WDR45: variants seen among roughly 807,000 people sequenced by gnomAD.
WDR45 encodes WD repeat domain phosphoinositide-interacting protein 4.
A neutral mutation model predicts 27.3 loss-of-function variants in WDR45; 2 were observed. The ratio of observed to expected loss-of-function variants is 0.07; its 90% confidence interval spans 0.03 to 0.23. The LOEUF is 0.23. Ranked by LOEUF, WDR45 falls within the 10% of genes least tolerant of loss-of-function variation. WDR45 has a pLI of 1.00. For synonymous variants in WDR45, 99 were observed against 119.2 expected (o/e 0.83, Z 1.11); for missense variants, 175 against 311.9 (o/e 0.56, Z 3.31).
At chrX:49,077,473 CAA>C (rs1230070079) in intron 4 of WDR45, 168 bp downstream of exon 4, 7 of 499,124 alleles carry the variant, frequency 1.4e-5, no homozygotes, top group Non-Finnish European at 2.5e-5. Context: ...AAAATGAAAA[CAA>C]AGCACCAAGC....
chrX:49,091,963 T>C (rs2065108380), intron 2 of WDR45, among the ~76,000 whole-genome samples: 1 of 102,887 alleles, frequency 9.7e-6, no homozygotes, highest in Non-Finnish European at 2.0e-5. Context: ...ACCCCGTCTC[T>C]ACAAAAAATT....
intron 4 of WDR45, 197 bp from the exon 5 acceptor site, chrX:49,076,947 C>G (rs2065041820): frequency 2.4e-6 from 1 of 422,484 alleles, no homozygotes; most frequent in African/African-American, 2.5e-5. Flanking sequence ...CTGTTACACT[C>G]ATCTACAGAT....
intron 2 of WDR45, among the ~76,000 whole-genome samples, chrX:49,095,422 C>T (rs2065121198): frequency 9.2e-6 from 1 of 109,242 alleles, no homozygotes; most frequent in Non-Finnish European, 1.9e-5. Context: ...GGGCGAGCCT[C>T]CTGAGTAGCT....
In WDR45 at chrX:49,077,723, C is replaced by T. The variant is rs201716815; in HGVS notation, c.155G>A (p.Gly52Asp). ...HLDHEQVGSM[G>D]LVEMLHRSNL... ...GGAGCGGTGCAGCATCTCCACCAAG[C>T]CCATGCTGCCCACCTGCTCGTGGTC... Residue 52 changes from glycine (G) to aspartate (D), a missense_variant, in exon 4 of 11, where the codon GGC becomes GAC. Physicochemically the swap from Gly to Asp is moderately conservative, Grantham distance 94. Transcript: ENST00000376372. The T allele has an allele frequency of 5.8e-6, 7 of 1,197,950 alleles. No homozygotes were observed. The African/African-American group carries it at 1.2e-4, about 21-fold the overall frequency.
chrX:49,074,916 G>T lies in WDR45; in HGVS notation c.974-4C>A, dbSNP rs781876689. The T allele has an allele frequency of 1.1e-5, 13 of 1,190,580 alleles. No homozygotes were observed. Among genetic ancestry groups the T allele is most frequent in the Non-Finnish European group, 1.5e-5 (13 of 877,112 alleles). ...AAGGTCCCATCTACGCAGATGGCTGGGGGAGGGGGGGTGGTAAAAGGTCAG... is the reference window on the plus strand; with the variant it reads ...AAGGTCCCATCTACGCAGATGGCTGTGGGAGGGGGGGTGGTAAAAGGTCAG... On this transcript the variant is annotated splice_polypyrimidine_tract_variant and splice_region_variant and intron_variant, in intron 10 of 10. Coordinates refer to ENST00000376372, the MANE Select transcript of WDR45 (RefSeq NM_001029896.2).
rs1283250476 is a variant in WDR45 at position 49,074,536 on chromosome X, C to T, written c.*267G>A. The T allele has an allele frequency of 2.3e-5, 9 of 389,517 alleles. No individual in the cohort carries two copies. The highest frequency in any genetic ancestry group is 3.1e-5 in the Non-Finnish European group (7 of 226,715). The allele number at this position is 389,517 out of a possible 1,213,427, so 32.1% of individuals were successfully genotyped here. Reference sequence around the variant, plus strand: ...ATCCCCAGGTTGGATTAGGGCACTCCCTCTGGGTCCCTGGCAATTTCCTCC... The same window carrying T: ...ATCCCCAGGTTGGATTAGGGCACTCTCTCTGGGTCCCTGGCAATTTCCTCC... On this transcript the variant is annotated 3_prime_UTR_variant, in exon 11 of 11. Transcript: ENST00000376372.
intron 2 of WDR45, among the ~76,000 whole-genome samples, chrX:49,093,639 A>C (rs2065115235): frequency 9.4e-6 from 1 of 106,374 alleles, no homozygotes; most frequent in Non-Finnish European, 1.9e-5. Context: ...TCCTGGGCTC[A>C]GGCAATACTC....
At chrX:49,090,246 T>C (rs2065099838) in intron 2 of WDR45, among the ~76,000 whole-genome samples, 1 of 110,880 alleles carries the variant, frequency 9.0e-6, no homozygotes, top group African/African-American at 3.3e-5. Context: ...GTATTTCTAG[T>C]AGAAACGGGA....
At chrX:49,094,960 G>A (rs1312618218) in intron 2 of WDR45, among the ~76,000 whole-genome samples, 1 of 108,729 alleles carries the variant, frequency 9.2e-6, no homozygotes, top group Admixed American at 9.9e-5. Flanking sequence ...GGCTAATTTT[G>A]TATTTTTAGT....
At position 49,075,561 on chromosome X, in the gene WDR45, G is replaced by C; in HGVS notation, c.709C>G (p.Pro237Ala). Residue 237 changes from proline to alanine, a missense_variant, in exon 8 of 11, where the codon CCT becomes GCT. Physicochemically the swap from Pro to Ala is conservative, Grantham distance 27 (BLOSUM62 -1). Coordinates refer to ENST00000376372, the MANE Select transcript of WDR45 (RefSeq NM_001029896.2). ...KLVELRRGTD[P>A]ATLYCINFSH... Reference sequence around the variant, plus strand: ...TGTGCTCACCAGTAGAGGGTGGCAGGGTCAGTGCCTCGGCGCAGCTCCACC... The same window carrying C: ...TGTGCTCACCAGTAGAGGGTGGCAGCGTCAGTGCCTCGGCGCAGCTCCACC... The C allele has an allele frequency of 8.3e-7, 1 of 1,211,946 alleles. No individual in the cohort carries two copies. Among genetic ancestry groups the C allele is most frequent in the Non-Finnish European group, 1.1e-6 (1 of 895,508 alleles).
chrX:49,074,793 C>T lies in WDR45; in HGVS notation c.*10G>A. 8.4e-7 allele frequency: 1 copy of T among 1,196,338 alleles called. No individual in the cohort carries two copies. The highest frequency in any genetic ancestry group is 1.1e-6 in the Non-Finnish European group (1 of 882,048). ...GCCACTGCAGGTCCCTAGCACAGCC[C>T]CCAGGGTCCTTAAAAGTCATCATCA... On this transcript the variant is annotated 3_prime_UTR_variant, in exon 11 of 11. Coordinates refer to ENST00000376372, the MANE Select transcript of WDR45 (RefSeq NM_001029896.2).
Position 49,091,024 on chromosome X carries a change from C to G in WDR45, c.-18+9181G>C, listed in dbSNP as rs782677769. Among the ~76,000 whole-genome samples, 7 of 110,421 alleles carry G rather than the reference C, an allele frequency of 6.3e-5. No homozygotes were observed. The South Asian group carries it at 1.5e-3, about 24-fold the overall frequency. On this transcript the variant is annotated intron_variant, in intron 2 of 11. Coordinates refer to the WDR45 transcript ENST00000356463. ...ATTTTTAGTAGAGGCGGGGTTTCACCGTGTTAGCCAGGATAGCCTCAATCT... is the reference window on the plus strand; with the variant it reads ...ATTTTTAGTAGAGGCGGGGTTTCACGGTGTTAGCCAGGATAGCCTCAATCT...
intron 2 of WDR45, among the ~76,000 whole-genome samples, chrX:49,095,562 G>A (rs2065121858): frequency 9.2e-6 from 1 of 108,870 alleles, no homozygotes; most frequent in South Asian, 4.0e-4. Flanking sequence ...CCAGGTTCAC[G>A]CCATTCTCCT....
chrX:49,084,342 G>A (rs1453821728), upstream of WDR45, among the ~76,000 whole-genome samples: 2 of 106,912 alleles, frequency 1.9e-5, no homozygotes, highest in African/African-American at 3.4e-5. Flanking sequence ...GAGCCACCAT[G>A]CCCAGCTGAT....
intron 2 of WDR45, among the ~76,000 whole-genome samples, chrX:49,086,334 G>T (rs1557085895): frequency 1.8e-5 from 2 of 111,094 alleles, no homozygotes; most frequent in African/African-American, 6.5e-5. Context: ...TGTATTTTTA[G>T]TAGAGACGGG....
chrX:49,092,064 T>A (rs2065108941), intron 2 of WDR45, among the ~76,000 whole-genome samples: 1 of 84,096 alleles, frequency 1.2e-5, no homozygotes, highest in African/African-American at 4.8e-5. Flanking sequence ...GAGGTTGCAG[T>A]GAGCGAGACC....
chrX:49,093,841 C>T (rs781877293), intron 2 of WDR45, among the ~76,000 whole-genome samples: 1 of 107,832 alleles, frequency 9.3e-6, no homozygotes, highest in Non-Finnish European at 1.9e-5. Context: ...TTGCCTGGCC[C>T]GGGGTGTCTT....
chrX:49,099,945 G>A (rs940334622), intron 2 of WDR45, among the ~76,000 whole-genome samples: 1 of 110,114 alleles, frequency 9.1e-6, no homozygotes, highest in Non-Finnish European at 1.9e-5. Context: ...GCAGCACTAC[G>A]CTATTGGAGT....
At chrX:49,080,354 C>A (rs976522120), upstream of WDR45, 7 of 111,938 alleles carry the variant, frequency 6.3e-5, no homozygotes, top group Non-Finnish European at 1.1e-4. Flanking sequence ...ACCTCCTTGG[C>A]TCCGGGAAGC....
Sources: allele counts gnomAD v4.1 joint callset (sites outside exome capture counted in the v4.1 genomes callset), GRCh38; gene constraint gnomAD v4.1.1; transcripts MANE v1.5; gene names NCBI Gene and HGNC (gene_info 2026-07-23, HGNC 2026-07-21).